The following ERC2 variants were observed in gnomAD, a reference collection of about 807,000 sequenced individuals.
The protein encoded by ERC2 is ELKS/RAB6-interacting/CAST family member 2, also known as ERC protein 2.
In ERC2, 42 loss-of-function variants were observed where a neutral mutation model predicts 114.8. The observed-to-expected ratio is 0.37, with a 90% CI of 0.29 to 0.47. The LOEUF is 0.47. Among genes scored for constraint, ERC2 ranks in the 20% least tolerant of loss-of-function variants. The probability of loss-of-function intolerance (pLI) is 0.99; values close to 1 mark genes in which losing one functional copy is unlikely to be tolerated. For synonymous variants in ERC2, 454 were observed against 425.5 expected (o/e 1.07, Z -0.82); for missense variants, 939 against 1,150.7 (o/e 0.82, Z 2.66).
At chr3:55,948,837 A>G (rs755370234) in intron 13 of ERC2, among the ~76,000 whole-genome samples, 1 of 152,250 alleles carries the variant, frequency 6.6e-6, no homozygotes, top group Non-Finnish European at 1.5e-5. Context: ...ATACCTCTGC[A>G]TATAGTAAAC....
intron 2 of ERC2, among the ~76,000 whole-genome samples, chr3:56,377,248 G>GA (rs1200368365): frequency 8.5e-5 from 13 of 152,096 alleles, no homozygotes; most frequent in African/African-American, 3.1e-4. Context: ...AGGAACACAT[G>GA]AAAACATAAA....
In ERC2 at chr3:56,195,835, G is replaced by GA. The variant is rs963993524; in HGVS notation, c.1075-22316dup. On this transcript the variant is annotated intron_variant, in intron 3 of 17. Transcript: ENST00000288221. ...GAGCAAGACCCTGTCTCTAAAATAA[G>GA]AAAAAAAAAATAGGTCAATACCATA... Among the ~76,000 whole-genome samples the GA allele has an allele frequency of 1.7e-3, 250 of 147,082 alleles. 1 individual carries two copies. The highest frequency in any genetic ancestry group is 3.3e-3 in the African/African-American group (133 of 40,078).
chr3:55,998,556 T>TA (rs2071782338), intron 10 of ERC2, among the ~76,000 whole-genome samples: 1 of 152,188 alleles, frequency 6.6e-6, no homozygotes, highest in African/African-American at 2.4e-5. Context: ...AATTATCTCT[T>TA]AAATAGTTGT....
At chr3:56,081,399 C>T (rs1394423670) in intron 6 of ERC2, among the ~76,000 whole-genome samples, 7 of 152,000 alleles carry the variant, frequency 4.6e-5, no homozygotes, top group Admixed American at 3.9e-4. Context: ...ATGAGCCATG[C>T]CATGGACATC....
At chr3:55,866,239 T>C (rs2062308469) in intron 14 of ERC2, among the ~76,000 whole-genome samples, 1 of 152,214 alleles carries the variant, frequency 6.6e-6, no homozygotes, top group Non-Finnish European at 1.5e-5. Flanking sequence ...TGCTTACTGG[T>C]CATTTGTATA....
At chr3:55,930,369 G>C (rs1193761782) in intron 13 of ERC2, among the ~76,000 whole-genome samples, 3 of 152,168 alleles carry the variant, frequency 2.0e-5, no homozygotes, top group African/African-American at 7.2e-5. Context: ...GGTTATTCTT[G>C]AAATCAAAAC....
intron 14 of ERC2, among the ~76,000 whole-genome samples, chr3:55,864,229 ATGTG>A (rs72144317): frequency 2.1e-5 from 3 of 146,194 alleles, no homozygotes; most frequent in South Asian, 4.3e-4. Flanking sequence ...ACACATATAT[ATGTG>A]TGTGTGTGTA....
intron 7 of ERC2, among the ~76,000 whole-genome samples, chr3:56,039,586 G>A (rs534301263): frequency 1.6e-4 from 25 of 152,034 alleles, no homozygotes; most frequent in African/African-American, 5.5e-4. Context: ...GCATTCTACA[G>A]ATGCAAATCA....
intron 2 of ERC2, among the ~76,000 whole-genome samples, chr3:56,323,404 G>C (rs1260400287): frequency 6.6e-6 from 1 of 152,108 alleles, no homozygotes; most frequent in East Asian, 1.9e-4. Flanking sequence ...TATCATGAGG[G>C]AAGAGGCCCA....
At position 55,950,456 on chromosome 3, in the gene ERC2, T is replaced by C; in HGVS notation, c.2372A>G (p.Asp791Gly). 6.2e-7 allele frequency: 1 copy of C among 1,614,050 alleles called. No individual in the cohort carries two copies. The highest frequency in any genetic ancestry group is 1.1e-5 in the South Asian group (1 of 91,086). ...ATGCTGTGAGTTGTCAGCCATGCTG[T>C]CTTCTCGCCTGCGCACTTCTTCTAG... ...QLLEEVRRRE[D>G]SMADNSQHLQ... The change falls in exon 13 of 18, where the codon GAC (aspartate) becomes GGC (glycine). Residue 791 changes from aspartate (D) to glycine (G), a missense_variant. By Grantham distance (94) the Asp-to-Gly change is moderately conservative (BLOSUM62 -1). Coordinates refer to ENST00000288221, the MANE Select transcript of ERC2 (RefSeq NM_015576.3).
chr3:56,395,698 T>A (rs2060280795), intron 2 of ERC2, among the ~76,000 whole-genome samples: 1 of 152,236 alleles, frequency 6.6e-6, no homozygotes, highest in Admixed American at 6.5e-5. Flanking sequence ...TCTGAGCAGA[T>A]GCCAGCACCA....
intron 7 of ERC2, among the ~76,000 whole-genome samples, chr3:56,070,861 G>A (rs1227778276): frequency 1.3e-5 from 2 of 152,142 alleles, no homozygotes; most frequent in Non-Finnish European, 1.5e-5. Context: ...GCACCGTGCT[G>A]CCTCTTCCTG....
At chr3:55,632,729 G>T (rs1295175104) in intron 17 of ERC2, among the ~76,000 whole-genome samples, 1 of 152,086 alleles carries the variant, frequency 6.6e-6, no homozygotes, top group Non-Finnish European at 1.5e-5. Flanking sequence ...TAGGATTCTT[G>T]GGGATAATTT....
At chr3:56,313,001 CATATATATAT>C (rs3055903) in intron 2 of ERC2, among the ~76,000 whole-genome samples, 1,186 of 43,878 alleles carry the variant, frequency 0.027, 71 homozygotes, top group African/African-American at 0.087. Flanking sequence ...TATGTATATT[CATATATATAT>C]ATATATATAT....
chr3:55,941,868 C>T (rs569290634), intron 13 of ERC2, among the ~76,000 whole-genome samples: 1 of 152,266 alleles, frequency 6.6e-6, no homozygotes, highest in South Asian at 2.1e-4. Context: ...CGATTTACTA[C>T]TTCTTTAGTT....
intron 13 of ERC2, among the ~76,000 whole-genome samples, chr3:55,923,181 T>C (rs939931484): frequency 1.3e-5 from 2 of 152,148 alleles, no homozygotes; most frequent in African/African-American, 2.4e-5. Flanking sequence ...ATACATGCAA[T>C]GGAAAATATT....
At chr3:56,333,339 T>G (rs893742870) in intron 2 of ERC2, among the ~76,000 whole-genome samples, 1 of 152,228 alleles carries the variant, frequency 6.6e-6, no homozygotes, top group African/African-American at 2.4e-5. Context: ...GCCACAACAT[T>G]CTTTGTGTTT....
intron 17 of ERC2, among the ~76,000 whole-genome samples, chr3:55,656,974 T>C (rs1242205386): frequency 6.6e-6 from 1 of 152,198 alleles, no homozygotes; most frequent in African/African-American, 2.4e-5. Context: ...TGGGGAACTA[T>C]TCCACAGCAG....
chr3:56,452,162 G>A (rs142006736), intron 1 of ERC2, among the ~76,000 whole-genome samples: 28 of 152,316 alleles, frequency 1.8e-4, no homozygotes, highest in Non-Finnish European at 3.2e-4. Flanking sequence ...CATGCCCATT[G>A]ACTTTGAATA....
Sources: allele counts gnomAD v4.1 joint callset (sites outside exome capture counted in the v4.1 genomes callset), GRCh38; gene constraint gnomAD v4.1.1; transcripts MANE v1.5; gene names NCBI Gene and HGNC (gene_info 2026-07-23, HGNC 2026-07-21).